The following ACVR2B variants were observed in gnomAD, a reference collection of about 807,000 sequenced individuals.
The protein encoded by ACVR2B is activin receptor type-2B.
ACVR2B carries 18 observed loss-of-function variants against 65.1 expected under a neutral mutation model. The ratio of observed to expected loss-of-function variants is 0.28; its 90% CI spans 0.19 to 0.41. ACVR2B has a LOEUF of 0.41. Ranked by LOEUF, ACVR2B falls within the 10% of genes least tolerant of loss-of-function variation. ACVR2B has a pLI of 1.00. For synonymous variants in ACVR2B, 298 were observed against 277.7 expected (o/e 1.07, Z -0.73); for missense variants, 482 against 682.7 (o/e 0.71, Z 3.28).
At chr3:38,465,722 G>T (rs1205621235) in intron 1 of ACVR2B, among the ~76,000 whole-genome samples, 1 of 152,200 alleles carries the variant, frequency 6.6e-6, no homozygotes, top group South Asian at 2.1e-4. Flanking sequence ...CACAGCCACA[G>T]AAGTAAAGGA....
At position 38,484,076 on chromosome 3, in the gene ACVR2B, T is replaced by C. The variant is rs7642472; in HGVS notation, c.*744T>C. 65,091 of 152,412 alleles carry C rather than the reference T, an allele frequency of 0.43. 16,257 individuals carry two copies. Among genetic ancestry groups the C allele is most frequent in the Non-Finnish European group, 0.57 (38,960 of 68,016 alleles). The allele number at this position is 152,412 out of a possible 1,614,324, so 9.4% of individuals were successfully genotyped here. A position where few individuals can be genotyped will look rare whatever the true frequency, so the allele number is the denominator to read the frequency against. On this transcript the variant is annotated 3_prime_UTR_variant, in exon 11 of 11. Coordinates refer to ENST00000352511, the MANE Select transcript of ACVR2B (RefSeq NM_001106.4). The stretch of plus-strand genomic sequence containing the variant: ...GGCTACTTCTCAGGTAACCAGGAAT[T>C]GAGGGGAAGGACCTTGTGGAGGCCG...
chr3:38,482,136 T>C, intron 8 of ACVR2B, 62 bp from the exon 9 acceptor site: 3 of 1,610,648 alleles, frequency 1.9e-6, no homozygotes, highest in Non-Finnish European at 2.5e-6. Flanking sequence ...GTAACTCCCA[T>C]GTCCCAGCTG....
At chr3:38,460,205 C>T (rs1709619094) in intron 1 of ACVR2B, among the ~76,000 whole-genome samples, 1 of 152,138 alleles carries the variant, frequency 6.6e-6, no homozygotes, top group Non-Finnish European at 1.5e-5. Context: ...GGTTCTATCA[C>T]TAATTCTGTG....
Position 38,482,237 on chromosome 3 carries a change from G to A in ACVR2B, c.1114G>A (p.Gly372Arg). 1.2e-6 allele frequency: 2 copies of A among 1,613,502 alleles called. No individual in the cohort carries two copies. Among genetic ancestry groups the A allele is most frequent in the Non-Finnish European group, 1.7e-6 (2 of 1,179,916 alleles). ...GTACATGGCTCCTGAGGTGCTCGAG[G>A]GAGCCATCAACTTCCAGAGAGATGC... Reference protein sequence around the residue: ...RRYMAPEVLEGAINFQRDAFL... With the variant: ...RRYMAPEVLERAINFQRDAFL... Residue 372 changes from glycine to arginine, a missense_variant, in exon 9 of 11, where the codon GGA becomes AGA. Gly to Arg is a moderately radical substitution (Grantham distance 125). Coordinates refer to ENST00000352511, the MANE Select transcript of ACVR2B (RefSeq NM_001106.4).
chr3:38,457,438 TAATA>T (rs1163692129), intron 1 of ACVR2B, among the ~76,000 whole-genome samples: 1 of 152,232 alleles, frequency 6.6e-6, no homozygotes, highest in Non-Finnish European at 1.5e-5. Flanking sequence ...ATTTATGGTG[TAATA>T]AATGTCACAT....
At position 38,482,652 on chromosome 3, in the gene ACVR2B, G is replaced by A; in HGVS notation, c.1344+92G>A. On this transcript the variant is annotated intron_variant, in intron 10 of 10. Coordinates refer to ENST00000352511, the MANE Select transcript of ACVR2B (RefSeq NM_001106.4). ...GTAAGCTGAAATCAAGGGGGAATGGGCAAATAGAAAGTCTGCGACGTTCCC... is the reference window on the plus strand; with the variant it reads ...GTAAGCTGAAATCAAGGGGGAATGGACAAATAGAAAGTCTGCGACGTTCCC... 3.9e-6 allele frequency: 6 copies of A among 1,540,508 alleles called. No individual in the cohort carries two copies. The Admixed American group carries it at 9.7e-5, about 25-fold the overall frequency.
At chr3:38,470,552 A>T (rs1709801507) in intron 1 of ACVR2B, among the ~76,000 whole-genome samples, 1 of 152,228 alleles carries the variant, frequency 6.6e-6, no homozygotes, top group Non-Finnish European at 1.5e-5. Context: ...TTTTTTCAGT[A>T]AGGACAGTGA....
At chr3:38,464,174 A>G (rs1709693019) in intron 1 of ACVR2B, among the ~76,000 whole-genome samples, 2 of 152,252 alleles carry the variant, frequency 1.3e-5, no homozygotes, top group Admixed American at 6.5e-5. Context: ...CTGAAACAAT[A>G]AAGTTTGGTT....
Position 38,488,999 on chromosome 3 carries a change from A to G in ACVR2B, c.*5667A>G, listed in dbSNP as rs1185661299. The G allele has an allele frequency of 6.6e-6, 1 of 152,222 alleles. No homozygotes were observed. Among genetic ancestry groups the G allele is most frequent in the African/African-American group, 2.4e-5 (1 of 41,450 alleles). The allele number at this position is 152,222 out of a possible 1,614,324, so 9.4% of individuals were successfully genotyped here. ...ACATCTACAGAAGAGTATTACATTC[A>G]CTTGCAAAGTTTACATTTTTGAGCT... is the stretch of plus-strand genomic sequence containing the variant. On this transcript the variant is annotated 3_prime_UTR_variant, in exon 11 of 11. Coordinates refer to ENST00000352511, the MANE Select transcript of ACVR2B (RefSeq NM_001106.4).
At chr3:38,455,136 C>T (rs1002804860) in intron 1 of ACVR2B, among the ~76,000 whole-genome samples, 4 of 152,184 alleles carry the variant, frequency 2.6e-5, no homozygotes, top group African/African-American at 9.6e-5. Context: ...AGGTGTTCGG[C>T]CAGCGCATGT....
intron 1 of ACVR2B, among the ~76,000 whole-genome samples, chr3:38,469,016 G>A (rs1709777965): frequency 6.6e-6 from 1 of 152,158 alleles, no homozygotes; most frequent in African/African-American, 2.4e-5. Context: ...GTCCAAGTTG[G>A]AAGTGACTTG....
At chr3:38,455,016 G>T (rs1292191352) in intron 1 of ACVR2B, among the ~76,000 whole-genome samples, 1 of 152,098 alleles carries the variant, frequency 6.6e-6, no homozygotes, top group East Asian at 1.9e-4. Context: ...GGGAGGGGGT[G>T]GGTAAGATGG....
In ACVR2B at chr3:38,478,299, C is replaced by G; in HGVS notation, c.522+7C>G. ...TCATGTGGACATCCATGAGGTGAGA[C>G]AGTGCTGGCTTGGGGCAGGGCAGGA... On this transcript the variant is annotated splice_region_variant and intron_variant, in intron 4 of 10. Coordinates refer to ENST00000352511, the MANE Select transcript of ACVR2B (RefSeq NM_001106.4). 1 of 1,613,962 alleles carries G rather than the reference C, an allele frequency of 6.2e-7. No individual in the cohort carries two copies. Among genetic ancestry groups the G allele is most frequent in the Non-Finnish European group, 8.5e-7 (1 of 1,179,982 alleles).
In ACVR2B at chr3:38,490,263, C is replaced by T. The variant is rs1450684799; in HGVS notation, c.*6931C>T. On this transcript the variant is annotated 3_prime_UTR_variant, in exon 11 of 11. Transcript: ENST00000352511. ...CAGCTGAAGACCTGTCCCCCAGACC[C>T]TGCCCGCTGGCTTCAGGCTGCTGCT... 6.6e-6 allele frequency: 1 copy of T among 152,342 alleles called. No homozygotes were observed. Among genetic ancestry groups the T allele is most frequent in the Non-Finnish European group, 1.5e-5 (1 of 68,064 alleles). 9.4% of individuals were successfully genotyped at this position (152,342 alleles called of 1,614,324 possible). A position where few individuals can be genotyped will look rare whatever the true frequency, so the allele number is the denominator to read the frequency against.
rs1008264966 is a variant in ACVR2B, at chr3:38,454,349, C to G, written c.27C>G (p.Ala9=). 1 of 1,297,580 alleles carries G rather than the reference C, an allele frequency of 7.7e-7. No individual in the cohort carries two copies. The highest frequency in any genetic ancestry group is 1.5e-5 in the African/African-American group (1 of 64,978). The allele number at this position is 1,297,580 out of a possible 1,614,324, so 80.4% of individuals were successfully genotyped here. MTAPWVAL[A]LLWGSLCAGS... ...TGACGGCGCCCTGGGTGGCCCTCGC[C>G]CTCCTCTGGGGATCGCTGTGCGCCG... is the stretch of plus-strand genomic sequence containing the variant. Residue 9 remains alanine, a synonymous_variant, in exon 1 of 11, where the codon GCC becomes GCG. Coordinates refer to ENST00000352511, the MANE Select transcript of ACVR2B (RefSeq NM_001106.4).
rs759773986 is a variant in ACVR2B at position 38,477,137 on chromosome 3, A to G, written c.53-150A>G. ...GAGGTGTGGGACGGATGGGTGGCCT[A>G]CGTCCAGGGGTGAGTGCAGGAGGTT... is the stretch of plus-strand genomic sequence containing the variant. On this transcript the variant is annotated intron_variant, in intron 1 of 10. Transcript: ENST00000352511. This position sits in a 1 kb window ranked among gnomAD's most constrained non-coding sequence, Gnocchi z 6.7. 2.0e-4 allele frequency: 157 copies of G among 773,730 alleles called. 1 individual carries two copies. Among genetic ancestry groups the G allele is most frequent in the Admixed American group, 1.2e-4 (5 of 42,098 alleles). 47.9% of individuals were successfully genotyped at this position (773,730 alleles called of 1,614,324 possible).
At chr3:38,462,930 GCT>G (rs1311926695) in intron 1 of ACVR2B, among the ~76,000 whole-genome samples, 1 of 152,126 alleles carries the variant, frequency 6.6e-6, no homozygotes, top group Non-Finnish European at 1.5e-5. Flanking sequence ...ATGGCAGTTG[GCT>G]CTCTGCGGTA....
chr3:38,491,768 C>CT lies in ACVR2B; in HGVS notation c.*8443dup, dbSNP rs1183749655. 6 of 152,150 alleles carry CT rather than the reference C, an allele frequency of 3.9e-5. No individual in the cohort carries two copies. The South Asian group carries it at 6.2e-4, about 16-fold the overall frequency. The allele number at this position is 152,150 out of a possible 1,614,324, so 9.4% of individuals were successfully genotyped here. ...AAAATGCCAGCGGCTTTTTTTTCCTCTTTTTTTCTGTAATTCTGTAAAAAT... is the reference window on the plus strand; with the variant it reads ...AAAATGCCAGCGGCTTTTTTTTCCTCTTTTTTTTCTGTAATTCTGTAAAAAT... On this transcript the variant is annotated 3_prime_UTR_variant, in exon 11 of 11. Transcript: ENST00000352511.
chr3:38,455,458 A>T (rs983241902), intron 1 of ACVR2B, among the ~76,000 whole-genome samples: 12 of 150,486 alleles, frequency 8.0e-5, no homozygotes, highest in Non-Finnish European at 1.0e-4. Context: ...AGTCTGGGAA[A>T]CCCTCGAGGG....
Sources: gnomAD v4.1 joint callset for allele counts (sites outside exome capture counted in the v4.1 genomes callset) on GRCh38, gnomAD v4.1.1 for gene constraint, Gnocchi (gnomAD v3.1) non-coding constraint, MANE v1.5 for transcripts, NCBI Gene and HGNC (gene_info 2026-07-23, HGNC 2026-07-21) for gene names.